The following ABCC8 variants were observed in gnomAD, a reference collection of about 807,000 sequenced individuals.
The protein encoded by ABCC8 is ATP-binding cassette sub-family C member 8.
A neutral mutation model predicts 188.0 loss-of-function variants in ABCC8; 137 were observed. The observed-to-expected ratio is 0.73, with a 90% confidence interval of 0.63 to 0.84. The LOEUF (loss-of-function observed/expected upper bound fraction) is 0.84, where lower values mean the gene tolerates loss of function less well. Among genes scored for constraint, ABCC8 ranks in the 40% least tolerant of loss-of-function variants. ABCC8 has a pLI of 0.00. For missense variants in ABCC8, 1,750 were observed against 2,072.7 expected (o/e 0.84, Z 3.02); for synonymous variants, 797 against 846.5 (o/e 0.94, Z 1.01).
chr11:17,454,075 A>G (rs919715700), intron 6 of ABCC8, among the ~76,000 whole-genome samples: 17 of 152,222 alleles, frequency 1.1e-4, no homozygotes, highest in African/African-American at 3.9e-4. Flanking sequence ...CCATGAAGAC[A>G]GATCTCTGCT....
chr11:17,470,620 T>C (rs1848428393), intron 2 of ABCC8, among the ~76,000 whole-genome samples: 1 of 152,208 alleles, frequency 6.6e-6, no homozygotes, highest in Non-Finnish European at 1.5e-5. Flanking sequence ...ATTTACTCTG[T>C]GCCAGGCACT....
intron 8 of ABCC8, among the ~76,000 whole-genome samples, chr11:17,445,551 C>T (rs1418838370): frequency 6.6e-6 from 1 of 152,214 alleles, no homozygotes; most frequent in Non-Finnish European, 1.5e-5. Flanking sequence ...GGGGCTTCTG[C>T]ACTCATGTCA....
chr11:17,393,797 C>G (rs764461043), intron 37 of ABCC8, 38 bp from the exon 38 acceptor site: 2 of 1,614,010 alleles, frequency 1.2e-6, no homozygotes, highest in East Asian at 4.5e-5. Context: ...CTCACCTGCC[C>G]AGTGGATGGG....
At chr11:17,434,614 G>A (rs1197321463) in intron 10 of ABCC8, among the ~76,000 whole-genome samples, 1 of 152,194 alleles carries the variant, frequency 6.6e-6, no homozygotes, top group African/African-American at 2.4e-5. Context: ...GGGAGATTTT[G>A]CAGTCAGAAA....
intron 8 of ABCC8, among the ~76,000 whole-genome samples, chr11:17,446,211 C>T (rs1956524242): frequency 6.6e-6 from 1 of 152,136 alleles, no homozygotes; most frequent in Non-Finnish European, 1.5e-5. Context: ...GGTGAACCAT[C>T]AGCCTCAGCC....
At chr11:17,454,479 C>T (rs767269618) in intron 6 of ABCC8, among the ~76,000 whole-genome samples, 7 of 152,194 alleles carry the variant, frequency 4.6e-5, no homozygotes, top group East Asian at 3.9e-4. Context: ...AAGGCCCTAC[C>T]GAGGCTCTCT....
At position 17,395,600 on chromosome 11, in the gene ABCC8, T is replaced by C. The variant is rs994328816; in HGVS notation, c.4307+10A>G. 1 of 1,547,928 alleles carries C rather than the reference T, an allele frequency of 6.5e-7. No homozygotes were observed. Among genetic ancestry groups the C allele is most frequent in the South Asian group, 1.2e-5 (1 of 84,102 alleles). On this transcript the variant is annotated intron_variant, in intron 35 of 38. Transcript: ENST00000389817. The stretch of plus-strand genomic sequence containing the variant: ...GGGGCTGGGTGGGCCTGAGGGGTGG[T>C]GGGGCTCACCGGATGGTGCCGCTGA...
At chr11:17,448,741 T>C in intron 7 of ABCC8, 70 bp from the exon 8 acceptor site, 1 of 1,612,330 alleles carries the variant, frequency 6.2e-7, no homozygotes, top group East Asian at 2.2e-5. Context: ...AGATGCCACC[T>C]GTTACAGTGT....
Position 17,470,193 on chromosome 11 carries a change from T to C in ABCC8, c.320A>G (p.Tyr107Cys). 1 of 1,614,114 alleles carries C rather than the reference T, an allele frequency of 6.2e-7. No homozygotes were observed. The highest frequency in any genetic ancestry group is 1.1e-5 in the South Asian group (1 of 91,072). ...GVTESHHLHLYMPAGMAFMAA... is the reference protein window; with the variant it reads ...GVTESHHLHLCMPAGMAFMAA... Reference sequence around the variant, plus strand: ...CATGAACGCCATCCCGGCTGGCATGTACAGGTGCAGATGGTGGGATTCGGT... The same window carrying C: ...CATGAACGCCATCCCGGCTGGCATGCACAGGTGCAGATGGTGGGATTCGGT... The change falls in exon 3 of 39, where the codon TAC (tyrosine) becomes TGC (cysteine). Residue 107 changes from tyrosine to cysteine, a missense_variant. Coordinates refer to ENST00000389817, the MANE Select transcript of ABCC8 (RefSeq NM_000352.6).
intron 16 of ABCC8, among the ~76,000 whole-genome samples, chr11:17,420,464 C>T (rs1186734215): frequency 1.3e-5 from 2 of 152,196 alleles, no homozygotes; most frequent in Non-Finnish European, 2.9e-5. Context: ...AGCTGTCTCA[C>T]CACACCTGCC....
rs1245033729 is a variant in ABCC8, at chr11:17,416,936, T to A, written c.2249A>T (p.Asp750Val). The A allele has an allele frequency of 6.8e-6, 11 of 1,610,118 alleles. No individual in the cohort carries two copies. Among genetic ancestry groups the A allele is most frequent in the Non-Finnish European group, 9.3e-6 (11 of 1,179,116 alleles). The change falls in exon 17 of 39, where the codon GAC (aspartate) becomes GTC (valine). Residue 750 changes from aspartate (D) to valine (V), a missense_variant. Transcript: ENST00000389817. ...SSLPDSEIGE[D>V]PSPERETATD... ...CCCAGTCCCAAGGCTGTACCTGGGG[T>A]CCTCTCCTATCTCGCTGTCAGGAAG... is the stretch of plus-strand genomic sequence containing the variant.
At chr11:17,453,510 G>C (rs1956887583) in intron 6 of ABCC8, among the ~76,000 whole-genome samples, 1 of 152,116 alleles carries the variant, frequency 6.6e-6, no homozygotes, top group Non-Finnish European at 1.5e-5. Flanking sequence ...TTTCCACTTG[G>C]GGGAACAGAA....
Position 17,404,651 on chromosome 11 carries a change from C to T in ABCC8, c.3418G>A (p.Glu1140Lys). The T allele has an allele frequency of 6.2e-7, 1 of 1,610,932 alleles. No individual in the cohort carries two copies. The highest frequency in any genetic ancestry group is 8.5e-7 in the Non-Finnish European group (1 of 1,178,892). The change falls in exon 28 of 39, where the codon GAG (glutamate) becomes AAG (lysine). Residue 1140 changes from glutamate to lysine, a missense_variant. Physicochemically the swap from Glu to Lys is moderately conservative, Grantham distance 56 (BLOSUM62 1). Transcript: ENST00000389817. The surrounding 1 kb of genome is among the most constrained non-coding windows in gnomAD (Gnocchi z 4.7). Reference protein sequence around the residue: ...TIDQHIPSTLECLSRSTLLCV... With the variant: ...TIDQHIPSTLKCLSRSTLLCV... ...AGCAGGGTGGAGCGGCTCAGGCACT[C>T]CAGCGTGGATGGGATGTGCTGAGGG...
Position 17,405,563 on chromosome 11 carries a change from C to T in ABCC8, c.3330G>A (p.Arg1110=), listed in dbSNP as rs140311333. 4 of 1,614,184 alleles carry T rather than the reference C, an allele frequency of 2.5e-6. No individual in the cohort carries two copies. Among genetic ancestry groups the T allele is most frequent in the Non-Finnish European group, 3.4e-6 (4 of 1,179,990 alleles). The change falls in exon 27 of 39, where the codon AGG becomes AGA. Residue 1110 remains arginine, a splice_region_variant and synonymous_variant. Coordinates refer to ENST00000389817, the MANE Select transcript of ABCC8 (RefSeq NM_000352.6). ...LLNRIILAPM[R]FFETTPLGSI... ...TCCCAAGGGGCGTGGTCTCAAAAAA[C>T]CTAAGAGGCAGCCAGAGGAAGAGTT... is the stretch of plus-strand genomic sequence containing the variant.
chr11:17,460,137 T>C (rs1318021903), intron 6 of ABCC8, among the ~76,000 whole-genome samples: 2 of 152,164 alleles, frequency 1.3e-5, no homozygotes, highest in African/African-American at 4.8e-5. Context: ...TTAAAGAGTT[T>C]ACTAAGATGA....
Position 17,404,030 on chromosome 11 carries a change from G to C in ABCC8, c.3557+482C>G, listed in dbSNP as rs940913003. ...CGTGCATGGATCCAAAGCTCATGAG[G>C]GCAAATGTGATCCATGAGAATGGCT... On this transcript the variant is annotated intron_variant, in intron 28 of 38. Transcript: ENST00000389817. This position sits in a 1 kb window ranked among gnomAD's most constrained non-coding sequence, Gnocchi z 4.7. Among the ~76,000 whole-genome samples, 5 of 152,136 alleles carry C rather than the reference G, an allele frequency of 3.3e-5. No individual in the cohort carries two copies. Among genetic ancestry groups the C allele is most frequent in the African/African-American group, 1.2e-4 (5 of 41,426 alleles).
At chr11:17,437,868 GC>G (rs1423837651) in intron 10 of ABCC8, among the ~76,000 whole-genome samples, 1 of 152,226 alleles carries the variant, frequency 6.6e-6, no homozygotes, top group Non-Finnish European at 1.5e-5. Context: ...GGAGGCCAAG[GC>G]AGGTGGATCA....
intron 10 of ABCC8, 124 bp downstream of exon 10, chr11:17,442,596 A>G: frequency 1.0e-6 from 1 of 960,746 alleles, no homozygotes; most frequent in Non-Finnish European, 1.7e-6. Context: ...AGGCTCCCCT[A>G]CTGAGTCGGA....
chr11:17,439,020 C>T (rs1956212101), intron 10 of ABCC8, among the ~76,000 whole-genome samples: 1 of 152,250 alleles, frequency 6.6e-6, no homozygotes, highest in Admixed American at 6.5e-5. Context: ...TTAGCTCTGA[C>T]TTCTTAGTGG....
Sources: allele counts gnomAD v4.1 joint callset (sites outside exome capture counted in the v4.1 genomes callset), GRCh38; gene constraint gnomAD v4.1.1; non-coding constraint Gnocchi (gnomAD v3.1); transcripts MANE v1.5; gene names NCBI Gene and HGNC (gene_info 2026-07-23, HGNC 2026-07-21).